PSMD8: variants seen among roughly 807,000 people sequenced by gnomAD.
The protein encoded by PSMD8 is proteasome 26S subunit, non-ATPase 8.
PSMD8 carries 30 observed loss-of-function variants against 40.0 expected under a neutral mutation model. The ratio of observed to expected loss-of-function variants is 0.75; its 90% CI spans 0.56 to 1.02. PSMD8 has a LOEUF of 1.02. PSMD8 is among the 50% of genes least tolerant of loss of function. PSMD8 has a pLI of 0.00. For missense variants in PSMD8, 461 were observed against 463.9 expected, an observed-to-expected ratio of 0.99 and a Z score of 0.06; for synonymous variants, 208 against 192.5, an observed-to-expected ratio of 1.08 and a Z score of -0.67.
At chr19:38,383,128 C>T (rs1017854151) in intron 6 of PSMD8, 125 bp from the exon 7 acceptor site, 6 of 1,249,612 alleles carry the variant, frequency 4.8e-6, no homozygotes, top group Admixed American at 4.4e-5. Context: ...TGTCAAGGGT[C>T]GTTGGGCAGA....
chr19:38,375,043 C>T, intron 1 of PSMD8, 82 bp downstream of exon 1: 1 of 1,507,968 alleles, frequency 6.6e-7, no homozygotes, highest in Admixed American at 2.1e-5. Flanking sequence ...AAGTCCCGGG[C>T]CGCGGAAGCC....
chr19:38,379,534 G>A (rs765942059), intron 4 of PSMD8, 129 bp downstream of exon 4: 58 of 1,039,390 alleles, frequency 5.6e-5, no homozygotes, highest in Non-Finnish European at 7.8e-5. Flanking sequence ...CCTCTTGTTT[G>A]TCCAACAAAT....
chr19:38,376,273 G>T (rs111243492), intron 2 of PSMD8, 41 bp downstream of exon 2: 28 of 1,551,442 alleles, frequency 1.8e-5, no homozygotes, highest in African/African-American at 1.8e-4. Flanking sequence ...TAATCTGGGG[G>T]TCATGGCAGG....
intron 6 of PSMD8, chr19:38,382,645 C>T (rs1388428506): frequency 1.3e-5 from 4 of 315,258 alleles, no homozygotes; most frequent in East Asian, 5.8e-5. Context: ...AAGGTGGATC[C>T]TCCCACCTAG....
chr19:38,376,044 G>A (rs1970594867), intron 1 of PSMD8, 116 bp from the exon 2 acceptor site: 3 of 1,028,772 alleles, frequency 2.9e-6, no homozygotes, highest in East Asian at 2.6e-5. Flanking sequence ...TTCCTCATGA[G>A]TCTGGATGAT....
chr19:38,377,130 C>G (rs1238487394), intron 3 of PSMD8, among the ~76,000 whole-genome samples: 2 of 152,220 alleles, frequency 1.3e-5, no homozygotes, highest in African/African-American at 4.8e-5. Flanking sequence ...ATTATGAGGT[C>G]TTGGGCAAAT....
chr19:38,381,157 G>A, intron 5 of PSMD8, 158 bp downstream of exon 5: 1 of 602,430 alleles, frequency 1.7e-6, no homozygotes, highest in Non-Finnish European at 2.9e-6. Context: ...AGTGAATTGG[G>A]CCTGGTCATG....
At position 38,374,814 on chromosome 19, in the gene PSMD8, G is replaced by A. The variant is rs766256037; in HGVS notation, c.213G>A (p.Gly71=). 1 of 1,574,406 alleles carries A rather than the reference G, an allele frequency of 6.4e-7. No homozygotes were observed. Among genetic ancestry groups the A allele is most frequent in the South Asian group, 1.1e-5 (1 of 87,378 alleles). ...AGATGGCGGCCGCGGCGGTGAACGG[G>A]GCGGCAGGCTTCTCGAGCTCCGGGC... is the stretch of plus-strand genomic sequence containing the variant. ...SRKMAAAAVN[G]AAGFSSSGPA... The change falls in exon 1 of 7, where the codon GGG becomes GGA. Residue 71 remains glycine (G), a synonymous_variant. Transcript: ENST00000215071.
rs768877797 is a variant in PSMD8, at chr19:38,374,810, A to G, written c.209A>G (p.Asn70Ser). ...CGCAAGATGGCGGCCGCGGCGGTGA[A>G]CGGGGCGGCAGGCTTCTCGAGCTCC... The part of the protein sequence containing the change: ...ASRKMAAAAV[N>S]GAAGFSSSGP... Residue 70 changes from asparagine (N) to serine (S), a missense_variant, in exon 1 of 7, where the codon AAC (asparagine) becomes AGC (serine). Coordinates refer to ENST00000215071, the MANE Select transcript of PSMD8 (RefSeq NM_002812.5). 4.4e-6 allele frequency: 7 copies of G among 1,573,232 alleles called. No individual in the cohort carries two copies. Among genetic ancestry groups the G allele is most frequent in the Non-Finnish European group, 6.0e-6 (7 of 1,166,160 alleles).
At position 38,376,075 on chromosome 19, in the gene PSMD8, T is replaced by C. The variant is rs1970595014; in HGVS notation, c.361-85T>C. 3.0e-6 allele frequency: 4 copies of C among 1,334,864 alleles called. No homozygotes were observed. In the African/African-American group the frequency reaches 4.4e-5, roughly 15 times the overall value. 82.7% of individuals were successfully genotyped at this position (1,334,864 alleles called of 1,614,324 possible). ...ATGATGGTTAGCTCCATTTTCCAAG[T>C]GGGAAGACCAGAGCGTAGAGCAGGT... On this transcript the variant is annotated intron_variant, in intron 1 of 6. Transcript: ENST00000215071.
rs555737482 is a variant in PSMD8, at chr19:38,375,047, G to A, written c.360+86G>A. 55 of 1,506,934 alleles carry A rather than the reference G, an allele frequency of 3.6e-5. No individual in the cohort carries two copies. The South Asian group carries it at 4.0e-4, about 11-fold the overall frequency. The allele number at this position is 1,506,934 out of a possible 1,614,324, so 93.3% of individuals were successfully genotyped here. A position where few individuals can be genotyped will look rare whatever the true frequency, so the allele number is the denominator to read the frequency against. Reference sequence around the variant, plus strand: ...TGGACCCAACCAAGTCCCGGGCCGCGGAAGCCACCTCGGTGCCAGCGAGAC... The same window carrying A: ...TGGACCCAACCAAGTCCCGGGCCGCAGAAGCCACCTCGGTGCCAGCGAGAC... On this transcript the variant is annotated intron_variant, in intron 1 of 6. Coordinates refer to ENST00000215071, the MANE Select transcript of PSMD8 (RefSeq NM_002812.5).
chr19:38,374,803 G>A lies in PSMD8; in HGVS notation c.202G>A (p.Ala68Thr). 6.4e-7 allele frequency: 1 copy of A among 1,573,000 alleles called. No individual in the cohort carries two copies. Residue 68 changes from alanine (A) to threonine (T), a missense_variant, in exon 1 of 7, where the codon GCG (alanine) becomes ACG (threonine). Around this residue, in one of 2 missense-constraint regions of PSMD8, gnomAD observed 225 missense variants for 142.7 expected, o/e 1.58. Coordinates refer to ENST00000215071, the MANE Select transcript of PSMD8 (RefSeq NM_002812.5). ...LAASRKMAAAAVNGAAGFSSS... is the reference protein window; with the variant it reads ...LAASRKMAAATVNGAAGFSSS... ...CGCATCACGCAAGATGGCGGCCGCGGCGGTGAACGGGGCGGCAGGCTTCTC... is the reference window on the plus strand; with the variant it reads ...CGCATCACGCAAGATGGCGGCCGCGACGGTGAACGGGGCGGCAGGCTTCTC...
chr19:38,374,639 G>C lies in PSMD8; in HGVS notation c.38G>C (p.Arg13Pro). 6.6e-7 allele frequency: 1 copy of C among 1,513,954 alleles called. No individual in the cohort carries two copies. The highest frequency in any genetic ancestry group is 1.3e-5 in the South Asian group (1 of 79,378). The allele number at this position is 1,513,954 out of a possible 1,614,324, so 93.8% of individuals were successfully genotyped here. ...IKGRAPRAPP[R>P]ERRRATRGGL... ...GGCAGGGCTCCGAGGGCGCCACCTC[G>C]AGAGCGACGGCGGGCTACCCGGGGC... Residue 13 changes from arginine (R) to proline (P), a missense_variant, in exon 1 of 7, where the codon CGA (arginine) becomes CCA (proline). Transcript: ENST00000215071.
rs766807761 is a variant in PSMD8 at position 38,383,420 on chromosome 19, C to G, written c.*30C>G. On this transcript the variant is annotated 3_prime_UTR_variant, in exon 7 of 7. Transcript: ENST00000215071. ...CCCGGGCACTGGGTGGGGCAGGGCACGAGTTATTTAAAACAGTTACACTGC... is the reference window on the plus strand; with the variant it reads ...CCCGGGCACTGGGTGGGGCAGGGCAGGAGTTATTTAAAACAGTTACACTGC... The G allele has an allele frequency of 9.9e-6, 16 of 1,613,396 alleles. No homozygotes were observed. Among genetic ancestry groups the G allele is most frequent in the Non-Finnish European group, 1.0e-5 (12 of 1,179,634 alleles).
chr19:38,379,038 C>T (rs190966867), intron 3 of PSMD8, among the ~76,000 whole-genome samples: 22 of 152,306 alleles, frequency 1.4e-4, no homozygotes, highest in Non-Finnish European at 2.6e-4. Context: ...TGAGGTCACT[C>T]GCTCTTGTAT....
rs1428806863 is a variant in PSMD8 at position 38,378,462 on chromosome 19, C to T, written c.537-778C>T. ...GGCAGAGCCTGCAGTGAGCCAAGATCGGGCCACTGCACTCCAGCCTGGGCG... is the reference window on the plus strand; with the variant it reads ...GGCAGAGCCTGCAGTGAGCCAAGATTGGGCCACTGCACTCCAGCCTGGGCG... On this transcript the variant is annotated intron_variant, in intron 3 of 6. Transcript: ENST00000215071. 2.7e-5 allele frequency among the ~76,000 whole-genome samples: 4 copies of T among 147,014 alleles called. No homozygotes were observed. In the Admixed American group the frequency reaches 2.8e-4, roughly 10 times the overall value.
chr19:38,381,014 C>G lies in PSMD8; in HGVS notation c.803+15C>G, dbSNP rs370473401. On this transcript the variant is annotated intron_variant, in intron 5 of 6. Coordinates refer to ENST00000215071, the MANE Select transcript of PSMD8 (RefSeq NM_002812.5). The stretch of plus-strand genomic sequence containing the variant: ...GACACTATCAGGTGCGTAGCGGGGC[C>G]GGGCCCTGTGGAGTTTGGAAAGAAC... 6.5e-7 allele frequency: 1 copy of G among 1,537,698 alleles called. No individual in the cohort carries two copies. The highest frequency in any genetic ancestry group is 1.2e-5 in the South Asian group (1 of 82,224).
At chr19:38,379,987 A>T (rs1011492274) in intron 4 of PSMD8, among the ~76,000 whole-genome samples, 2 of 152,252 alleles carry the variant, frequency 1.3e-5, no homozygotes, top group East Asian at 1.9e-4. Flanking sequence ...ATAAAAACAT[A>T]TTTTTTAAAG....
Position 38,380,886 on chromosome 19 carries a change from C to A in PSMD8, c.703-13C>A. On this transcript the variant is annotated splice_polypyrimidine_tract_variant and intron_variant, in intron 4 of 6. Transcript: ENST00000215071. The stretch of plus-strand genomic sequence containing the variant: ...CTTCATTCTCTCTTCTTCCCCCTTC[C>A]CGGCTTCTGCAGTACCTGATGGAGG... 2 of 1,551,640 alleles carry A rather than the reference C, an allele frequency of 1.3e-6. No individual in the cohort carries two copies. Among genetic ancestry groups the A allele is most frequent in the Non-Finnish European group, 8.7e-7 (1 of 1,145,968 alleles).
Sources: gnomAD v4.1 joint callset for allele counts (sites outside exome capture counted in the v4.1 genomes callset) on GRCh38, gnomAD v4.1.1 for gene constraint, gnomAD v4.1.1 regional missense constraint, MANE v1.5 for transcripts, NCBI Gene and HGNC (gene_info 2026-07-23, HGNC 2026-07-21) for gene names.